The following USP24 variants were observed in gnomAD, a reference collection of about 807,000 sequenced individuals.
USP24 encodes ubiquitin specific peptidase 24.
In USP24, 97 loss-of-function variants were observed where a neutral mutation model predicts 361.6. The ratio of observed to expected loss-of-function variants is 0.27; its 90% CI spans 0.23 to 0.32. USP24 has a LOEUF of 0.32. Ranked by LOEUF, USP24 falls within the 10% of genes least tolerant of loss-of-function variation. The probability of loss-of-function intolerance (pLI) is 1.00; values close to 1 mark genes in which losing one functional copy is unlikely to be tolerated. For missense variants in USP24, 2,353 were observed against 3,165.6 expected (o/e 0.74, Z 6.16); for synonymous variants, 1,098 against 1,124.6 (o/e 0.98, Z 0.47).
At chr1:55,130,998 T>A (rs1290533786) in intron 31 of USP24, among the ~76,000 whole-genome samples, 2 of 152,214 alleles carry the variant, frequency 1.3e-5, no homozygotes, top group Non-Finnish European at 2.9e-5. Context: ...TGCAGTGCTA[T>A]GGCTCTAAGA....
chr1:55,176,231 T>C (rs1649970605), intron 3 of USP24, 145 bp downstream of exon 3: 6 of 551,098 alleles, frequency 1.1e-5, no homozygotes, highest in South Asian at 7.6e-5. Context: ...GTTCCGTTTT[T>C]CATATTAGAG....
intron 1 of USP24, among the ~76,000 whole-genome samples, chr1:55,206,657 T>TA (rs34127046): frequency 0.84 from 110,061 of 130,428 alleles, 47,388 homozygotes; most frequent in Middle Eastern, 0.97. Flanking sequence ...AGAAAAACAG[T>TA]AAAAAAAAAA....
At chr1:55,169,635 C>T (rs529687638) in intron 5 of USP24, among the ~76,000 whole-genome samples, 40 of 152,218 alleles carry the variant, frequency 2.6e-4, no homozygotes, top group African/African-American at 9.1e-4. Flanking sequence ...AACTTCTCCA[C>T]AGCAATAATC....
intron 48 of USP24, 78 bp from the exon 49 acceptor site, chr1:55,097,250 A>G (rs1645516565): frequency 1.2e-5 from 18 of 1,464,502 alleles, no homozygotes; most frequent in Non-Finnish European, 1.5e-5. Flanking sequence ...AGATCCAAAT[A>G]AGAGGAAGTG....
At chr1:55,096,930 T>TA in intron 49 of USP24, 22 bp downstream of exon 49, 4 of 1,606,712 alleles carry the variant, frequency 2.5e-6, no homozygotes, top group Non-Finnish European at 3.4e-6. Context: ...AGTGAGTAAG[T>TA]GCTGCCTCAG....
rs114573163 is a variant in USP24, at chr1:55,144,121, A to G, written c.2439+6T>C. ...AACTATCTAGATTTGAGAATAACGT[A>G]CTTACCAACTGAGCTCCTTGTCTTT... is the stretch of plus-strand genomic sequence containing the variant. On this transcript the variant is annotated splice_donor_region_variant and intron_variant, in intron 21 of 67. Transcript: ENST00000294383. The G allele has an allele frequency of 1.0e-4, 163 of 1,599,352 alleles. No homozygotes were observed. The African/African-American group carries it at 2.1e-3, about 21-fold the overall frequency.
At chr1:55,106,374 C>A in intron 40 of USP24, 111 bp from the exon 41 acceptor site, 3 of 747,778 alleles carry the variant, frequency 4.0e-6, no homozygotes, top group Non-Finnish European at 6.7e-6. Context: ...CACCCAATAG[C>A]AGAGCATTTA....
At chr1:55,122,223 G>A (rs774675951) in intron 36 of USP24, among the ~76,000 whole-genome samples, 5 of 152,188 alleles carry the variant, frequency 3.3e-5, no homozygotes, top group Non-Finnish European at 5.9e-5. Flanking sequence ...GGCAAGAAGA[G>A]CACTGTAATT....
chr1:55,186,320 C>G (rs1644129514), intron 1 of USP24, among the ~76,000 whole-genome samples: 1 of 152,114 alleles, frequency 6.6e-6, no homozygotes, highest in African/African-American at 2.4e-5. Flanking sequence ...TTGTACACTG[C>G]TGATAAGAGT....
At chr1:55,096,358 G>A (rs147947717) in intron 50 of USP24, 140 bp downstream of exon 50, 2 of 711,164 alleles carry the variant, frequency 2.8e-6, no homozygotes, top group Admixed American at 4.2e-5. Flanking sequence ...TAAAGAGCTT[G>A]CTCATGGTTC....
intron 1 of USP24, among the ~76,000 whole-genome samples, chr1:55,182,468 G>C (rs559309325): frequency 3.3e-5 from 5 of 152,294 alleles, no homozygotes; most frequent in Admixed American, 2.0e-4. Flanking sequence ...GGCTGATTCT[G>C]AGGTGGGTGT....
rs1388971566 is a variant in USP24, at chr1:55,133,365, C to G, written c.3382-665G>C. On this transcript the variant is annotated intron_variant, in intron 30 of 67. Coordinates refer to ENST00000294383, the MANE Select transcript of USP24 (RefSeq NM_015306.3). ...AATGATAATCCATTTATATTAGCAA[C>G]TCAGACATACGCAATGATCAGATTC... Among the ~76,000 whole-genome samples the G allele has an allele frequency of 2.0e-5, 3 of 152,124 alleles. No individual in the cohort carries two copies. The East Asian group carries it at 5.8e-4, about 29-fold the overall frequency.
At position 55,168,746 on chromosome 1, in the gene USP24, A is replaced by C. The variant is rs545222602; in HGVS notation, c.826-2143T>G. Among the ~76,000 whole-genome samples the C allele has an allele frequency of 5.9e-5, 9 of 152,330 alleles. No homozygotes were observed. The East Asian group carries it at 1.5e-3, about 26-fold the overall frequency. Reference sequence around the variant, plus strand: ...AATTCATAACCACAGAATTGCCCTCATATGGCTTTACTGCTCAAATTCACA... The same window carrying C: ...AATTCATAACCACAGAATTGCCCTCCTATGGCTTTACTGCTCAAATTCACA... On this transcript the variant is annotated intron_variant, in intron 5 of 67. Transcript: ENST00000294383.
chr1:55,179,428 T>C (rs924214916), intron 1 of USP24, among the ~76,000 whole-genome samples: 1 of 152,228 alleles, frequency 6.6e-6, no homozygotes, highest in Non-Finnish European at 1.5e-5. Context: ...CTCCTATCTG[T>C]AGATGACTCA....
intron 1 of USP24, among the ~76,000 whole-genome samples, chr1:55,204,356 T>C (rs1337087254): frequency 6.6e-6 from 1 of 152,164 alleles, no homozygotes; most frequent in Non-Finnish European, 1.5e-5. Flanking sequence ...TTCATTAAAA[T>C]AATTAACATC....
chr1:55,189,384 G>A (rs1569692396), intron 1 of USP24, among the ~76,000 whole-genome samples: 1 of 152,178 alleles, frequency 6.6e-6, no homozygotes, highest in African/African-American at 2.4e-5. Flanking sequence ...AATGAACATA[G>A]TGAGTTGAAT....
At chr1:55,193,833 G>A (rs1644350525) in intron 1 of USP24, among the ~76,000 whole-genome samples, 1 of 152,048 alleles carries the variant, frequency 6.6e-6, no homozygotes, top group Non-Finnish European at 1.5e-5. Context: ...GCTCACATAA[G>A]GCAAAGTTAC....
At chr1:55,180,421 A>T (rs1000021167) in intron 1 of USP24, among the ~76,000 whole-genome samples, 3 of 152,102 alleles carry the variant, frequency 2.0e-5, no homozygotes, top group African/African-American at 7.2e-5. Context: ...AGACTCACTA[A>T]GGTCTCATTG....
chr1:55,094,158 C>T (rs927631410), intron 51 of USP24, 71 bp from the exon 52 acceptor site: 3 of 1,468,016 alleles, frequency 2.0e-6, no homozygotes, highest in East Asian at 4.8e-5. Flanking sequence ...TAAGACTTGC[C>T]AAATTCACAT....
Sources: gnomAD v4.1 joint callset for allele counts (sites outside exome capture counted in the v4.1 genomes callset) on GRCh38, gnomAD v4.1.1 for gene constraint, MANE v1.5 for transcripts, NCBI Gene and HGNC (gene_info 2026-07-23, HGNC 2026-07-21) for gene names.